Variants in CSMD1 observed in about 807,000 individuals in gnomAD.
The protein encoded by CSMD1 is CUB and Sushi multiple domains 1.
In CSMD1, 213 loss-of-function variants were observed where a neutral mutation model predicts 417.5. The observed-to-expected ratio is 0.51, with a 90% CI of 0.46 to 0.57. CSMD1 has a LOEUF of 0.57. Among genes scored for constraint, CSMD1 ranks in the 20% least tolerant of loss-of-function variants. CSMD1 has a pLI of 0.00. For synonymous variants in CSMD1, 2,862 were observed against 1,736.8 expected (o/e 1.65, Z -16.11); for missense variants, 6,923 against 4,529.7 (o/e 1.53, Z -15.17).
intron 5 of CSMD1, among the ~76,000 whole-genome samples, chr8:3,814,984 A>G (rs899172513): frequency 6.6e-6 from 1 of 152,234 alleles, no homozygotes; most frequent in Non-Finnish European, 1.5e-5. Flanking sequence ...CATCTGCATA[A>G]TAATTACTAA....
chr8:4,979,342 A>G lies in CSMD1; in HGVS notation c.85+14990T>C, dbSNP rs368169879. 4.6e-5 allele frequency among the ~76,000 whole-genome samples: 7 copies of G among 152,182 alleles called. No individual in the cohort carries two copies. In the South Asian group the frequency reaches 1.2e-3, roughly 27 times the overall value. On this transcript the variant is annotated intron_variant, in intron 1 of 69. Coordinates refer to ENST00000635120, the MANE Select transcript of CSMD1 (RefSeq NM_033225.6). ...CCTTATGATATTGAGCACAGTTGAC[A>G]TTCCCTTTGTAAAGACAAAGAAACC...
chr8:3,524,408 T>C (rs1797665409), intron 10 of CSMD1, among the ~76,000 whole-genome samples: 1 of 136,688 alleles, frequency 7.3e-6, no homozygotes, highest in South Asian at 2.4e-4. Context: ...CACCCAGACA[T>C]ATGCACACAC....
chr8:3,667,519 G>C (rs566929739), intron 7 of CSMD1, among the ~76,000 whole-genome samples: 4 of 152,244 alleles, frequency 2.6e-5, no homozygotes, highest in African/African-American at 9.6e-5. Flanking sequence ...GGGGATGGGA[G>C]CTGTTGGGAT....
intron 3 of CSMD1, among the ~76,000 whole-genome samples, chr8:4,345,656 G>T (rs1200272611): frequency 6.6e-6 from 1 of 152,074 alleles, no homozygotes; most frequent in Non-Finnish European, 1.5e-5. Context: ...CAAATGACTG[G>T]AAGAGACCTT....
intron 1 of CSMD1, among the ~76,000 whole-genome samples, chr8:4,707,842 GCACCATTGCACTCCAGC>G (rs1808040991): frequency 7.0e-6 from 1 of 142,964 alleles, no homozygotes; most frequent in African/African-American, 2.6e-5. Context: ...AACCAAGATC[GCACCATTGCACTCCAGC>G]CTGGGGACAA....
chr8:4,614,144 GATA>G (rs148907622), intron 2 of CSMD1, among the ~76,000 whole-genome samples: 1 of 151,854 alleles, frequency 6.6e-6, no homozygotes, highest in Non-Finnish European at 1.5e-5. Context: ...TTTAAGTTCT[GATA>G]ATAATAATAA....
At position 4,263,284 on chromosome 8, in the gene CSMD1, T is replaced by C. The variant is rs148851217; in HGVS notation, c.415+156669A>G. ...AAAGGTTAGATTTCTTAAACAAAAATGTACGGTACAGATTTACTCCTCCCA... is the reference window on the plus strand; with the variant it reads ...AAAGGTTAGATTTCTTAAACAAAAACGTACGGTACAGATTTACTCCTCCCA... On this transcript the variant is annotated intron_variant, in intron 3 of 69. Transcript: ENST00000635120. 5.6e-3 allele frequency among the ~76,000 whole-genome samples: 850 copies of C among 152,230 alleles called. 9 individuals carry two copies. The highest frequency in any genetic ancestry group is 0.02 in the African/African-American group (813 of 41,534).
chr8:4,170,409 C>T (rs1328623065), intron 3 of CSMD1, among the ~76,000 whole-genome samples: 1 of 151,886 alleles, frequency 6.6e-6, no homozygotes, highest in Non-Finnish European at 1.5e-5. Context: ...AAAGCATATG[C>T]ATGTATACCT....
chr8:3,804,580 C>G (rs539761417), intron 5 of CSMD1, among the ~76,000 whole-genome samples: 83 of 152,140 alleles, frequency 5.5e-4, no homozygotes, highest in Admixed American at 1.5e-3. Context: ...CCAATTTTTT[C>G]TTTTATGCAT....
chr8:4,755,591 AT>A (rs1811616466), intron 1 of CSMD1, among the ~76,000 whole-genome samples: 1 of 152,050 alleles, frequency 6.6e-6, no homozygotes, highest in African/African-American at 2.4e-5. Context: ...TGTCACGTTG[AT>A]TTTATCAGAT....
At chr8:3,196,737 T>C (rs959051685) in intron 33 of CSMD1, among the ~76,000 whole-genome samples, 1 of 152,172 alleles carries the variant, frequency 6.6e-6, no homozygotes, top group African/African-American at 2.4e-5. Context: ...CTGAAACTTG[T>C]TGGTAATGCA....
intron 23 of CSMD1, among the ~76,000 whole-genome samples, chr8:3,333,882 G>A (rs980028412): frequency 6.6e-6 from 1 of 152,186 alleles, no homozygotes; most frequent in Non-Finnish European, 1.5e-5. Flanking sequence ...TCACAACCAA[G>A]AATGTCTGGG....
chr8:4,462,510 G>C (rs1799896903), intron 2 of CSMD1, among the ~76,000 whole-genome samples: 1 of 152,012 alleles, frequency 6.6e-6, no homozygotes, highest in Non-Finnish European at 1.5e-5. Context: ...AATGCATATG[G>C]ATATTCAAAG....
chr8:4,195,421 CTG>C (rs1439224774), intron 3 of CSMD1, among the ~76,000 whole-genome samples: 3 of 152,116 alleles, frequency 2.0e-5, no homozygotes, highest in African/African-American at 7.2e-5. Flanking sequence ...CGATGCAAGA[CTG>C]TGTCATGATT....
chr8:4,957,990 G>A (rs576473687), intron 1 of CSMD1, among the ~76,000 whole-genome samples: 1 of 152,252 alleles, frequency 6.6e-6, no homozygotes, highest in African/African-American at 2.4e-5. Flanking sequence ...TTCCATAATT[G>A]TGTGATGTCA....
intron 1 of CSMD1, among the ~76,000 whole-genome samples, chr8:4,825,247 G>C (rs1799757697): frequency 6.6e-6 from 1 of 152,028 alleles, no homozygotes; most frequent in Admixed American, 6.6e-5. Context: ...GGAGGCATTT[G>C]AAATATGCAT....
At chr8:4,710,738 G>C (rs2617051) in intron 1 of CSMD1, among the ~76,000 whole-genome samples, 47,818 of 151,384 alleles carry the variant, frequency 0.32, 8,711 homozygotes, top group Non-Finnish European at 0.41. Flanking sequence ...CCAGCTACTT[G>C]GGAGTCTGAG....
At chr8:3,688,143 T>C (rs926325489) in intron 7 of CSMD1, among the ~76,000 whole-genome samples, 6 of 152,236 alleles carry the variant, frequency 3.9e-5, no homozygotes, top group East Asian at 1.9e-4. Flanking sequence ...CAATACCTTA[T>C]ATTTAGACAC....
chr8:4,671,204 T>G lies in CSMD1; in HGVS notation c.86-33646A>C, dbSNP rs1723005057. ...ATTCCATTCCTCTTAGTAGTTTCCT[T>G]TCAAGATGAAGTATTCAATCCTTTT... On this transcript the variant is annotated intron_variant, in intron 1 of 69. Coordinates refer to ENST00000635120, the MANE Select transcript of CSMD1 (RefSeq NM_033225.6). 2.0e-5 allele frequency among the ~76,000 whole-genome samples: 3 copies of G among 152,346 alleles called. No homozygotes were observed. The South Asian group carries it at 6.2e-4, about 32-fold the overall frequency.
Sources: allele counts gnomAD v4.1 joint callset (sites outside exome capture counted in the v4.1 genomes callset), GRCh38; gene constraint gnomAD v4.1.1; transcripts MANE v1.5; gene names NCBI Gene and HGNC (gene_info 2026-07-23, HGNC 2026-07-21).